Variants in CCHCR1 observed in about 807,000 individuals in gnomAD.
The protein encoded by CCHCR1 is coiled-coil alpha-helical rod protein 1, also known as HCR (a-helix coiled-coil rod homologue).
CCHCR1 carries 91 observed loss-of-function variants against 114.6 expected under a neutral mutation model. That is an observed-to-expected ratio of 0.79 (90% CI 0.67 to 0.94). CCHCR1 has a LOEUF of 0.94. Ranked by LOEUF, CCHCR1 falls within the 40% of genes least tolerant of loss-of-function variation. The pLI, the probability that CCHCR1 is intolerant of heterozygous loss-of-function variation, is 0.00. For synonymous variants in CCHCR1, 379 were observed against 428.5 expected (o/e 0.88, Z 1.43); for missense variants, 899 against 1,079.9 (o/e 0.83, Z 2.35).
intron 10 of CCHCR1, among the ~76,000 whole-genome samples, chr6:31,147,961 G>C (rs1268420636): frequency 2.0e-5 from 3 of 152,140 alleles, no homozygotes; most frequent in Non-Finnish European, 4.4e-5. Context: ...CTGGGTGACA[G>C]AGCGAGACTT....
intron 10 of CCHCR1, among the ~76,000 whole-genome samples, chr6:31,147,185 G>T (rs1222354819): frequency 6.6e-6 from 1 of 152,054 alleles, no homozygotes; most frequent in African/African-American, 2.4e-5. Flanking sequence ...CGGATCACGA[G>T]GTCAGAAGTT....
Position 31,143,084 on chromosome 6 carries a change from C to T in CCHCR1, c.2370G>A (p.Leu790=). 6.2e-7 allele frequency: 1 copy of T among 1,613,044 alleles called. No homozygotes were observed. The highest frequency in any genetic ancestry group is 8.5e-7 in the Non-Finnish European group (1 of 1,180,032). The change falls in exon 17 of 18, where the codon CTG becomes CTA. Residue 790 remains leucine (L), a synonymous_variant. Coordinates refer to ENST00000396268, the MANE Select transcript of CCHCR1 (RefSeq NM_001105564.2). This position sits in a 1 kb window ranked among gnomAD's most constrained non-coding sequence, Gnocchi z 5.3. ...CCAGTAGGGAAGGAAGAACTGTCAA[C>T]AGTCGCTGCTGCTTGTAACGGGAGA... ...GLLSRYKQQR[L]LTVLPSLLDK...
chr6:31,153,464 C>T (rs990788659), intron 4 of CCHCR1, among the ~76,000 whole-genome samples: 8 of 151,628 alleles, frequency 5.3e-5, no homozygotes, highest in African/African-American at 1.9e-4. Context: ...GTTATAAAGT[C>T]AATGGATCAA....
intron 12 of CCHCR1, 58 bp from the exon 13 acceptor site, chr6:31,145,360 C>T (rs1037739354): frequency 6.2e-7 from 1 of 1,611,998 alleles, no homozygotes; most frequent in Non-Finnish European, 8.5e-7. Flanking sequence ...ATCCCAAAGC[C>T]CCCATCCCAC....
In CCHCR1 at chr6:31,145,647, C is replaced by A. The variant is rs372643014; in HGVS notation, c.1693+49G>T. On this transcript the variant is annotated intron_variant, in intron 11 of 17. Coordinates refer to ENST00000396268, the MANE Select transcript of CCHCR1 (RefSeq NM_001105564.2). ...GAGCTGGGTCAGGAAGAAGAAAGTC[C>A]GAGCTGGTGGGGTGGGGGCAGGACG... 3 of 1,499,330 alleles carry A rather than the reference C, an allele frequency of 2.0e-6. No individual in the cohort carries two copies. In the African/African-American group the frequency reaches 4.1e-5, roughly 21 times the overall value. 92.9% of individuals were successfully genotyped at this position (1,499,330 alleles called of 1,614,324 possible).
chr6:31,148,625 C>T lies in CCHCR1; in HGVS notation c.1466G>A (p.Gly489Asp). ...TAGTAGGCTGACACCAACCTTGGCA[C>T]CCATACGCTCCACCTCCACCTCTGC... ...KAAEVEVERMGAKGLQLELSR... is the reference protein window; with the variant it reads ...KAAEVEVERMDAKGLQLELSR... The change falls in exon 9 of 18, where the codon GGT (glycine) becomes GAT (aspartate). Residue 489 changes from glycine (G) to aspartate (D), a missense_variant. Coordinates refer to ENST00000396268, the MANE Select transcript of CCHCR1 (RefSeq NM_001105564.2). 6.2e-7 allele frequency: 1 copy of T among 1,611,170 alleles called. No homozygotes were observed. The highest frequency in any genetic ancestry group is 8.5e-7 in the Non-Finnish European group (1 of 1,178,264).
At chr6:31,148,379 TCCAC>T in intron 10 of CCHCR1, 22 bp downstream of exon 10, 2 of 1,388,574 alleles carry the variant, frequency 1.4e-6, no homozygotes, top group Non-Finnish European at 2.0e-6. Flanking sequence ...GAAACACTAC[TCCAC>T]CCACCCCTCC....
chr6:31,142,591 C>A lies in CCHCR1; in HGVS notation c.*1G>T. ...TGGCTTTCCCTCCAACTGTCAGCTG[C>A]TTAGCTGCTCATCTGGGGATTGGAG... is the stretch of plus-strand genomic sequence containing the variant. On this transcript the variant is annotated 3_prime_UTR_variant, in exon 18 of 18. Coordinates refer to ENST00000396268, the MANE Select transcript of CCHCR1 (RefSeq NM_001105564.2). 1 of 1,611,494 alleles carries A rather than the reference C, an allele frequency of 6.2e-7. No homozygotes were observed. Among genetic ancestry groups the A allele is most frequent in the Non-Finnish European group, 8.5e-7 (1 of 1,178,684 alleles).
At chr6:31,157,883 A>C, upstream of CCHCR1, 1 of 494,510 alleles carries the variant, frequency 2.0e-6, no homozygotes, top group Non-Finnish European at 3.5e-6. Flanking sequence ...AACCTAATCT[A>C]CCTTTTTCTG....
chr6:31,156,288 GAC>G, intron 3 of CCHCR1: 1 of 167,114 alleles, frequency 6.0e-6, no homozygotes, highest in Non-Finnish European at 1.3e-5. Context: ...TCTGGGAAAA[GAC>G]ACATGAAACA....
chr6:31,142,902 G>A, intron 17 of CCHCR1, 61 bp downstream of exon 17: 1 of 1,559,102 alleles, frequency 6.4e-7, no homozygotes, highest in Non-Finnish European at 8.7e-7. Context: ...GCGAGAGTCT[G>A]AAGAGGAGAT....
chr6:31,145,767 C>G lies in CCHCR1; in HGVS notation c.1622G>C (p.Gly541Ala). 1 of 1,613,038 alleles carries G rather than the reference C, an allele frequency of 6.2e-7. No homozygotes were observed. The highest frequency in any genetic ancestry group is 8.5e-7 in the Non-Finnish European group (1 of 1,179,954). The change falls in exon 11 of 18, where the codon GGG (glycine) becomes GCG (alanine). Residue 541 changes from glycine (G) to alanine (A), a missense_variant. Gly to Ala is a moderately conservative substitution (Grantham distance 60, BLOSUM62 0). Coordinates refer to ENST00000396268, the MANE Select transcript of CCHCR1 (RefSeq NM_001105564.2). ...WLETTMAKVE[G>A]AAAQLPSLNN... ...GAGGCTGGGAAGCTGGGCGGCAGCC[C>G]CTTCCACCTTAGCCATGGTGGTCTC...
Position 31,151,201 on chromosome 6 carries a change from GTGACCTTAGAGAA to G in CCHCR1, c.802-92_802-80del. 1.4e-6 allele frequency: 2 copies of G among 1,476,586 alleles called. No individual in the cohort carries two copies. Among genetic ancestry groups the G allele is most frequent in the Non-Finnish European group, 1.8e-6 (2 of 1,096,676 alleles). The allele number at this position is 1,476,586 out of a possible 1,614,324, so 91.5% of individuals were successfully genotyped here. A position where few individuals can be genotyped will look rare whatever the true frequency, so the allele number is the denominator to read the frequency against. On this transcript the variant is annotated intron_variant, in intron 4 of 17. Transcript: ENST00000396268. The surrounding 1 kb of genome is among the most constrained non-coding windows in gnomAD (Gnocchi z 4.1). ...CTTGTTCCCTTCACTCCCACTTTCT[GTGACCTTAGAGAA>G]TGACCCAACCAATCAGCCAACTGTG...
In CCHCR1 at chr6:31,144,743, T is replaced by A; in HGVS notation, c.2111A>T (p.Gln704Leu). Residue 704 changes from glutamine (Q) to leucine (L), a missense_variant, in exon 15 of 18, where the codon CAA becomes CTA. Coordinates refer to ENST00000396268, the MANE Select transcript of CCHCR1 (RefSeq NM_001105564.2). This position sits in a 1 kb window ranked among gnomAD's most constrained non-coding sequence, Gnocchi z 4.6. ...CAGCCTCCTCTCTGTGTCTGAGAGT[T>A]GCTCCCGCAGCCGAGTTTCCACTTC... ...VAEVETRLRE[Q>L]LSDTERRLNE... 6.2e-7 allele frequency: 1 copy of A among 1,613,972 alleles called. No homozygotes were observed. Among genetic ancestry groups the A allele is most frequent in the Admixed American group, 1.7e-5 (1 of 60,002 alleles).
Position 31,149,843 on chromosome 6 carries a change from G to A in CCHCR1, c.1362+223C>T, listed in dbSNP as rs190029102. 7.9e-5 allele frequency among the ~76,000 whole-genome samples: 12 copies of A among 152,264 alleles called. No individual in the cohort carries two copies. In the South Asian group the frequency reaches 1.0e-3, roughly 13 times the overall value. Reference sequence around the variant, plus strand: ...ATTATAGGTGTGAGCCACTGCACCTGGCTTCAATCTTTCTATCGCACATAT... The same window carrying A: ...ATTATAGGTGTGAGCCACTGCACCTAGCTTCAATCTTTCTATCGCACATAT... On this transcript the variant is annotated intron_variant, in intron 8 of 17. Transcript: ENST00000396268.
Position 31,150,141 on chromosome 6 carries a change from C to T in CCHCR1, c.1287G>A (p.Lys429=), listed in dbSNP as rs769018637. 1 of 1,614,198 alleles carries T rather than the reference C, an allele frequency of 6.2e-7. No individual in the cohort carries two copies. The highest frequency in any genetic ancestry group is 8.5e-7 in the Non-Finnish European group (1 of 1,180,022). Residue 429 remains lysine (K), a synonymous_variant, in exon 8 of 18, where the codon AAG becomes AAA. Transcript: ENST00000396268. This position sits in a 1 kb window ranked among gnomAD's most constrained non-coding sequence, Gnocchi z 5.3. ...CQSLLNRWRE[K]VFALMVQLKA... ...TTAGCTGCACCATGAGGGCAAACAC[C>T]TTCTCCCGCCAGCGGTTCAGCAGGG...
Position 31,157,575 on chromosome 6 carries a change from C to G in CCHCR1, c.26G>C (p.Arg9Thr), listed in dbSNP as rs1314375099. MWPHSAGA[R>T]PWASTLTGKD... The stretch of plus-strand genomic sequence containing the variant: ...CCCTGTTAAAGTGCTGGCCCAAGGC[C>G]TGGCCCCAGCTGAATGTGGCCACAT... The change falls in exon 1 of 18, where the codon AGG becomes ACG. Residue 9 changes from arginine to threonine, a missense_variant. Arg to Thr is a moderately conservative substitution (Grantham distance 71). Coordinates refer to ENST00000396268, the MANE Select transcript of CCHCR1 (RefSeq NM_001105564.2). 1 of 1,612,134 alleles carries G rather than the reference C, an allele frequency of 6.2e-7. No individual in the cohort carries two copies. The highest frequency in any genetic ancestry group is 1.1e-5 in the South Asian group (1 of 90,916).
At position 31,143,255 on chromosome 6, in the gene CCHCR1, C is replaced by T; in HGVS notation, c.2319+7G>A. The T allele has an allele frequency of 1.2e-6, 2 of 1,612,564 alleles. No individual in the cohort carries two copies. Among genetic ancestry groups the T allele is most frequent in the Non-Finnish European group, 8.5e-7 (1 of 1,179,972 alleles). On this transcript the variant is annotated splice_region_variant and intron_variant, in intron 16 of 17. Transcript: ENST00000396268. This position sits in a 1 kb window ranked among gnomAD's most constrained non-coding sequence, Gnocchi z 5.3. The stretch of plus-strand genomic sequence containing the variant: ...AGTGTCTGCCTGTCTGCCCTCCTGT[C>T]TCCTACCAGCATGAGGTTCTTATCC...
intron 1 of CCHCR1, 66 bp downstream of exon 1, chr6:31,157,315 TGAAA>T (rs769663682): frequency 6.6e-6 from 9 of 1,358,332 alleles, no homozygotes; most frequent in East Asian, 2.3e-5. Flanking sequence ...GAGAATTTAC[TGAAA>T]GAGACAGACT....
Sources: gnomAD v4.1 joint callset for allele counts (sites outside exome capture counted in the v4.1 genomes callset) on GRCh38, gnomAD v4.1.1 for gene constraint, Gnocchi (gnomAD v3.1) non-coding constraint, MANE v1.5 for transcripts, NCBI Gene and HGNC (gene_info 2026-07-23, HGNC 2026-07-21) for gene names.